Variants in CCNF observed in about 807,000 individuals in gnomAD.
CCNF encodes the protein cyclin-F.
In CCNF, 30 loss-of-function variants were observed where a neutral mutation model predicts 85.4. That is an observed-to-expected ratio of 0.35 (90% confidence interval 0.26 to 0.48). The LOEUF is 0.48. CCNF is among the 20% of genes least tolerant of loss of function. The pLI, the probability that CCNF is intolerant of heterozygous loss-of-function variation, is 0.99. For missense variants in CCNF, 919 were observed against 1,010.4 expected, an observed-to-expected ratio of 0.91 and a Z score of 1.23; for synonymous variants, 439 against 425.1, an observed-to-expected ratio of 1.03 and a Z score of -0.40.
intron 13 of CCNF, 151 bp downstream of exon 13, chr16:2,450,066 G>T (rs2065385933): frequency 1.5e-6 from 1 of 645,244 alleles, no homozygotes; most frequent in Non-Finnish European, 2.8e-6. Flanking sequence ...AATTAGCCAG[G>T]CGTGGTGGTG....
chr16:2,449,153 G>A (rs766865135), intron 11 of CCNF, 129 bp from the exon 12 acceptor site: 10 of 1,429,314 alleles, frequency 7.0e-6, no homozygotes, highest in East Asian at 4.6e-5. Flanking sequence ...CGCCATCTGC[G>A]CTGGTGCGCT....
intron 6 of CCNF, 63 bp from the exon 7 acceptor site, chr16:2,439,290 G>C: frequency 7.2e-7 from 1 of 1,398,086 alleles, no homozygotes; most frequent in Middle Eastern, 2.5e-4. Flanking sequence ...GAGTGAAACT[G>C]TCTCAAAAAA....
At position 2,437,207 on chromosome 16, in the gene CCNF, A is replaced by G. The variant is rs781029092; in HGVS notation, c.425A>G (p.Asn142Ser). 1.9e-6 allele frequency: 3 copies of G among 1,613,010 alleles called. No individual in the cohort carries two copies. The South Asian group carries it at 3.3e-5, about 18-fold the overall frequency. ...TTCTTCAGTCTCGCTGAGCGGCTGAATGTGGGTGCCGCACCTTTCATCTGG... is the reference window on the plus strand; with the variant it reads ...TTCTTCAGTCTCGCTGAGCGGCTGAGTGTGGGTGCCGCACCTTTCATCTGG... ...SRFFSLAERL[N>S]VGAAPFIWLF... The change falls in exon 5 of 17, where the codon AAT (asparagine) becomes AGT (serine). Residue 142 changes from asparagine to serine, a missense_variant. By Grantham distance (46) the Asn-to-Ser change is conservative (BLOSUM62 1). Coordinates refer to ENST00000397066, the MANE Select transcript of CCNF (RefSeq NM_001761.3).
chr16:2,449,613 C>G, intron 12 of CCNF, 151 bp downstream of exon 12: 1 of 836,740 alleles, frequency 1.2e-6, no homozygotes, highest in Admixed American at 2.8e-5. Context: ...AGTGATGTCC[C>G]AGATTTCTGA....
intron 8 of CCNF, among the ~76,000 whole-genome samples, chr16:2,442,155 C>T (rs1186575180): frequency 1.4e-5 from 2 of 143,398 alleles, no homozygotes; most frequent in Non-Finnish European, 3.0e-5. Flanking sequence ...ACAGGCATTG[C>T]ACCACCACGC....
intron 16 of CCNF, 136 bp downstream of exon 16, chr16:2,455,700 T>G: frequency 1.5e-6 from 2 of 1,352,576 alleles, no homozygotes; most frequent in Non-Finnish European, 1.9e-6. Context: ...GGCCAGCTCC[T>G]GCCCCGCCGG....
intron 1 of CCNF, among the ~76,000 whole-genome samples, chr16:2,430,809 A>G (rs1157183270): frequency 6.6e-6 from 1 of 152,236 alleles, no homozygotes; most frequent in African/African-American, 2.4e-5. Context: ...CAGCTTCGGC[A>G]GCTTTTTCCC....
chr16:2,456,847 C>G lies in CCNF; in HGVS notation c.2188C>G (p.Leu730Val). 1 of 1,614,064 alleles carries G rather than the reference C, an allele frequency of 6.2e-7. No homozygotes were observed. The highest frequency in any genetic ancestry group is 8.5e-7 in the Non-Finnish European group (1 of 1,180,020). Residue 730 changes from leucine (L) to valine (V), a missense_variant, in exon 17 of 17, where the codon CTG becomes GTG. Physicochemically the swap from Leu to Val is conservative, Grantham distance 32. This residue lies in a region of CCNF where 505 missense variants were observed against 514.8 expected (regional missense o/e 0.98). Transcript: ENST00000397066. This position sits in a 1 kb window ranked among gnomAD's most constrained non-coding sequence, Gnocchi z 4.5. ...GCCCCAACCTACCTCAGTGCTGTCC[C>G]TGGACAGTGACTCGCACACACAGCC... is the stretch of plus-strand genomic sequence containing the variant. ...ALPQPTSVLS[L>V]DSDSHTQPCH...
chr16:2,437,906 A>T, intron 5 of CCNF, 164 bp from the exon 6 acceptor site: 4 of 502,638 alleles, frequency 8.0e-6, no homozygotes, highest in East Asian at 3.3e-5. Flanking sequence ...TTCCCTTTAA[A>T]AAAAAAAAAA....
intron 10 of CCNF, among the ~76,000 whole-genome samples, chr16:2,447,231 A>G (rs1322198923): frequency 6.6e-6 from 1 of 151,802 alleles, no homozygotes; most frequent in Non-Finnish European, 1.5e-5. Flanking sequence ...AGTGGTCCAT[A>G]TAACTATCAC....
intron 2 of CCNF, among the ~76,000 whole-genome samples, chr16:2,431,862 G>A (rs757858857): frequency 4.1e-5 from 6 of 145,180 alleles, no homozygotes; most frequent in Admixed American, 6.9e-5. Context: ...ACAGAGTCTC[G>A]CTCTGCCACC....
In CCNF at chr16:2,453,643, G is replaced by A. The variant is rs2065407905; in HGVS notation, c.1715+106G>A. On this transcript the variant is annotated intron_variant, in intron 15 of 16. Coordinates refer to ENST00000397066, the MANE Select transcript of CCNF (RefSeq NM_001761.3). The surrounding 1 kb of genome is among the most constrained non-coding windows in gnomAD (Gnocchi z 5.6). Reference sequence around the variant, plus strand: ...CAGAGAGGCCCCCAAGGCTTGTCAGGGGAGCAGCAGATCCCAGGACAGTGA... The same window carrying A: ...CAGAGAGGCCCCCAAGGCTTGTCAGAGGAGCAGCAGATCCCAGGACAGTGA... 1.2e-5 allele frequency: 17 copies of A among 1,437,042 alleles called. No individual in the cohort carries two copies. The South Asian group carries it at 1.6e-4, about 14-fold the overall frequency. 89.0% of individuals were successfully genotyped at this position (1,437,042 alleles called of 1,614,324 possible).
intron 9 of CCNF, 123 bp downstream of exon 9, chr16:2,443,923 C>CA: frequency 1.3e-6 from 1 of 751,418 alleles, no homozygotes; most frequent in Non-Finnish European, 1.9e-6. Flanking sequence ...CCCTTATCAC[C>CA]CTTTTTTTTT....
chr16:2,449,042 G>GGGGGGGGGGGGGGGGCC, intron 11 of CCNF, 64 bp downstream of exon 11: 1 of 683,614 alleles, frequency 1.5e-6, no homozygotes, highest in Non-Finnish European at 2.7e-6. Flanking sequence ...GTGGGGGTGG[G>GGGGGGGGGGGGGGGGCC]CATTCAGCTT....
At position 2,451,509 on chromosome 16, in the gene CCNF, C is replaced by A. The variant is rs1387602268; in HGVS notation, c.1487+1594C>A. 2.6e-5 allele frequency among the ~76,000 whole-genome samples: 4 copies of A among 152,216 alleles called. No homozygotes were observed. Among genetic ancestry groups the A allele is most frequent in the Non-Finnish European group, 4.4e-5 (3 of 68,028 alleles). On this transcript the variant is annotated intron_variant, in intron 13 of 16. Transcript: ENST00000397066. This position sits in a 1 kb window ranked among gnomAD's most constrained non-coding sequence, Gnocchi z 4.3. ...CACTCCCTGGTCTCCCACTTCCCCGCTTCTGCCATGGCTTCCTTTTCCTCA... is the reference window on the plus strand; with the variant it reads ...CACTCCCTGGTCTCCCACTTCCCCGATTCTGCCATGGCTTCCTTTTCCTCA...
At chr16:2,430,418 A>G (rs1284503424) in intron 1 of CCNF, among the ~76,000 whole-genome samples, 1 of 152,078 alleles carries the variant, frequency 6.6e-6, no homozygotes, top group African/African-American at 2.4e-5. Context: ...CACATCTGAG[A>G]AGCATGTCCG....
chr16:2,431,320 A>G, intron 2 of CCNF, 36 bp downstream of exon 2: 1 of 1,601,246 alleles, frequency 6.2e-7, no homozygotes, highest in Non-Finnish European at 8.5e-7. Flanking sequence ...GAGCCCTAGC[A>G]TTGTTGATTA....
intron 9 of CCNF, among the ~76,000 whole-genome samples, chr16:2,444,816 T>G (rs2065352574): frequency 6.6e-6 from 1 of 152,120 alleles, no homozygotes; most frequent in African/African-American, 2.4e-5. Context: ...AGGCTAGTCT[T>G]GAACTCCTGG....
chr16:2,438,383 G>A (rs1277622189), intron 6 of CCNF, among the ~76,000 whole-genome samples: 1 of 152,190 alleles, frequency 6.6e-6, no homozygotes, highest in Non-Finnish European at 1.5e-5. Flanking sequence ...ATCGAACCTC[G>A]ATGCTCACTC....
Sources: gnomAD v4.1 joint callset for allele counts (sites outside exome capture counted in the v4.1 genomes callset) on GRCh38, gnomAD v4.1.1 for gene constraint, gnomAD v4.1.1 regional missense constraint, Gnocchi (gnomAD v3.1) non-coding constraint, MANE v1.5 for transcripts, NCBI Gene and HGNC (gene_info 2026-07-23, HGNC 2026-07-21) for gene names.